PDGFRA: variants seen among roughly 807,000 people sequenced by gnomAD.
The protein encoded by PDGFRA is platelet-derived growth factor receptor alpha.
In PDGFRA, 25 loss-of-function variants were observed where a neutral mutation model predicts 121.5. The observed-to-expected ratio is 0.21, with a 90% confidence interval of 0.15 to 0.29. The LOEUF is 0.29. Among genes scored for constraint, PDGFRA ranks in the 10% least tolerant of loss-of-function variants. The pLI, the probability that PDGFRA is intolerant of heterozygous loss-of-function variation, is 1.00. For missense variants in PDGFRA, 1,008 were observed against 1,345.1 expected, an observed-to-expected ratio of 0.75 and a Z score of 3.92; for synonymous variants, 463 against 494.8, an observed-to-expected ratio of 0.94 and a Z score of 0.85.
chr4:54,234,490 A>G (rs1445254054), intron 1 of PDGFRA, among the ~76,000 whole-genome samples: 2 of 152,196 alleles, frequency 1.3e-5, no homozygotes, highest in African/African-American at 2.4e-5. Context: ...CGCGGAGACC[A>G]TTAGGAAGGT....
At chr4:54,229,667 A>T (rs1032968823) in intron 1 of PDGFRA, among the ~76,000 whole-genome samples, 5 of 152,018 alleles carry the variant, frequency 3.3e-5, no homozygotes, top group Non-Finnish European at 5.9e-5. Flanking sequence ...ACCTATTTTT[A>T]AAAACAATGT....
At chr4:54,264,679 TTTGA>T in intron 4 of PDGFRA, 1 of 431,844 alleles carries the variant, frequency 2.3e-6, no homozygotes, top group South Asian at 2.2e-5. Flanking sequence ...CGGTGTTCTG[TTTGA>T]TTGGAATTTA....
At chr4:54,246,857 A>G (rs532430623) in intron 1 of PDGFRA, among the ~76,000 whole-genome samples, 133 of 142,162 alleles carry the variant, frequency 9.4e-4, no homozygotes, top group African/African-American at 3.6e-3. Context: ...AGAATCAAAT[A>G]GACGCAAAAA....
At chr4:54,253,166 T>C (rs1722152125) in intron 1 of PDGFRA, among the ~76,000 whole-genome samples, 1 of 152,242 alleles carries the variant, frequency 6.6e-6, no homozygotes, top group African/African-American at 2.4e-5. Context: ...GCAAGTTATG[T>C]GGCTTCTGGG....
rs112695584 is a variant in PDGFRA at position 54,283,716 on chromosome 4, T to A, written c.2324-1655T>A. 1.0e-2 allele frequency among the ~76,000 whole-genome samples: 1,518 copies of A among 152,350 alleles called. 30 individuals carry two copies. Among genetic ancestry groups the A allele is most frequent in the African/African-American group, 0.035 (1,440 of 41,584 alleles). The stretch of plus-strand genomic sequence containing the variant: ...CCCAAAAAAGCTTTTACTTTCTCTG[T>A]CACATGGCCAAGCTACAAATTTTCC... On this transcript the variant is annotated intron_variant, in intron 16 of 22. Transcript: ENST00000257290.
In PDGFRA at chr4:54,295,121, C is replaced by G. The variant is rs763300570; in HGVS notation, c.3123-4C>G. ...TAATATTTGCTCTTCTCTCCCTCCT[C>G]CAGCTCGCAGACCTCTGAAGAGAGT... On this transcript the variant is annotated splice_region_variant and splice_polypyrimidine_tract_variant and intron_variant, in intron 22 of 22. Coordinates refer to ENST00000257290, the MANE Select transcript of PDGFRA (RefSeq NM_006206.6). 1 of 1,613,890 alleles carries G rather than the reference C, an allele frequency of 6.2e-7. No individual in the cohort carries two copies. The highest frequency in any genetic ancestry group is 2.2e-5 in the East Asian group (1 of 44,854).
intron 1 of PDGFRA, among the ~76,000 whole-genome samples, chr4:54,252,102 C>T (rs1263659018): frequency 6.6e-6 from 1 of 152,116 alleles, no homozygotes; most frequent in Non-Finnish European, 1.5e-5. Flanking sequence ...CCTGCTTATT[C>T]CTGAGAATCA....
At chr4:54,248,183 A>G (rs1238037890) in intron 1 of PDGFRA, among the ~76,000 whole-genome samples, 1 of 152,190 alleles carries the variant, frequency 6.6e-6, no homozygotes, top group Non-Finnish European at 1.5e-5. Flanking sequence ...TCAAGCTACC[A>G]ATGACTTTCT....
At chr4:54,265,270 A>C (rs1360864353) in intron 5 of PDGFRA, 6 of 538,998 alleles carry the variant, frequency 1.1e-5, no homozygotes, top group Non-Finnish European at 2.0e-5. Context: ...TTCAGAATAC[A>C]TAAAGAGTGT....
intron 22 of PDGFRA, 39 bp downstream of exon 22, chr4:54,290,593 T>C: frequency 6.2e-7 from 1 of 1,612,324 alleles, no homozygotes; most frequent in Non-Finnish European, 8.5e-7. Context: ...ACCTTTCCCC[T>C]CCCCTATAGG....
intron 1 of PDGFRA, among the ~76,000 whole-genome samples, chr4:54,257,924 T>A (rs1200143464): frequency 6.6e-6 from 1 of 152,194 alleles, no homozygotes; most frequent in Non-Finnish European, 1.5e-5. Context: ...TTCCGTCTCT[T>A]TCTCTACTTC....
Position 54,278,439 on chromosome 4 carries a change from C to G in PDGFRA, c.2080C>G (p.Leu694Val), listed in dbSNP as rs878854827. The change falls in exon 15 of 23, where the codon CTG (leucine) becomes GTG (valine). Residue 694 changes from leucine (L) to valine (V), a missense_variant. Leu to Val is a conservative substitution (Grantham distance 32, BLOSUM62 1). Transcript: ENST00000257290. ...NYLHKNRDSF[L>V]SHHPEKPKKE... ...TTTGCATAAGAATAGGGATAGCTTC[C>G]TGAGCCACCACCCAGAGAAGCCAAA... 6.2e-7 allele frequency: 1 copy of G among 1,613,758 alleles called. No homozygotes were observed. Among genetic ancestry groups the G allele is most frequent in the Admixed American group, 1.7e-5 (1 of 60,010 alleles).
At position 54,236,811 on chromosome 4, in the gene PDGFRA, A is replaced by AAAAG. The variant is rs552378796; in HGVS notation, c.-13+7408_-13+7411dup. On this transcript the variant is annotated intron_variant, in intron 1 of 22. Transcript: ENST00000257290. ...GTGCAAGACTCCATCTAAAAAAAGA[A>AAAAG]AAAGAAAGAAAGAAAAAAGAAAAAA... is the stretch of plus-strand genomic sequence containing the variant. Among the ~76,000 whole-genome samples the AAAAG allele has an allele frequency of 4.1e-4, 62 of 152,230 alleles. No individual in the cohort carries two copies. In the South Asian group the frequency reaches 0.012, roughly 30 times the overall value.
At chr4:54,286,014 C>A (rs1242272513) in intron 18 of PDGFRA, 51 bp downstream of exon 18, 1 of 1,582,276 alleles carries the variant, frequency 6.3e-7, no homozygotes, top group Non-Finnish European at 8.7e-7. Flanking sequence ...TCACTTTAAT[C>A]TCTAAAGTCA....
rs551485203 is a variant in PDGFRA at position 54,267,768 on chromosome 4, C to T, written c.1121+27C>T. ...TAAAGAAACTCTCTGCCCAAGTATGCCTTTTTTTAGTGTGCATCAGAGGCG... is the reference window on the plus strand; with the variant it reads ...TAAAGAAACTCTCTGCCCAAGTATGTCTTTTTTTAGTGTGCATCAGAGGCG... On this transcript the variant is annotated intron_variant, in intron 7 of 22. Coordinates refer to ENST00000257290, the MANE Select transcript of PDGFRA (RefSeq NM_006206.6). 4.7e-5 allele frequency: 74 copies of T among 1,591,240 alleles called. 1 individual carries two copies. The South Asian group carries it at 8.2e-4, about 18-fold the overall frequency.
intron 1 of PDGFRA, among the ~76,000 whole-genome samples, chr4:54,257,068 G>T (rs1048848153): frequency 1.3e-5 from 2 of 152,168 alleles, no homozygotes; most frequent in African/African-American, 4.8e-5. Flanking sequence ...AGGATGCAAT[G>T]AAGAAGGAAG....
At chr4:54,247,521 C>G (rs1026626510) in intron 1 of PDGFRA, among the ~76,000 whole-genome samples, 1 of 151,864 alleles carries the variant, frequency 6.6e-6, no homozygotes, top group Admixed American at 6.6e-5. Context: ...ATTCAACAAC[C>G]CTTCATGCTA....
In PDGFRA at chr4:54,261,340, A is replaced by T. The variant is rs1265201159; in HGVS notation, c.295A>T (p.Thr99Ser). 1.2e-6 allele frequency: 2 copies of T among 1,613,894 alleles called. No individual in the cohort carries two copies. Among genetic ancestry groups the T allele is most frequent in the Admixed American group, 3.3e-5 (2 of 59,994 alleles). ...CTCGGCGGCCCACACAGGGTTGTAC[A>T]CTTGCTATTACAACCACACTCAGAC... ...SASAAHTGLY[T>S]CYYNHTQTEE... is the part of the protein sequence containing the mutation. Residue 99 changes from threonine to serine, a missense_variant, in exon 3 of 23, where the codon ACT (threonine) becomes TCT (serine). Physicochemically the swap from Thr to Ser is moderately conservative, Grantham distance 58. Coordinates refer to ENST00000257290, the MANE Select transcript of PDGFRA (RefSeq NM_006206.6).
intron 1 of PDGFRA, among the ~76,000 whole-genome samples, chr4:54,248,458 A>T (rs1313142273): frequency 1.3e-5 from 2 of 152,236 alleles, no homozygotes; most frequent in African/African-American, 2.4e-5. Flanking sequence ...AAAAACAAGC[A>T]ATGGGGAAAG....
Sources: gnomAD v4.1 joint callset for allele counts (sites outside exome capture counted in the v4.1 genomes callset) on GRCh38, gnomAD v4.1.1 for gene constraint, MANE v1.5 for transcripts, NCBI Gene and HGNC (gene_info 2026-07-23, HGNC 2026-07-21) for gene names.